The following PTPN12 variants were observed in gnomAD, a reference collection of about 807,000 sequenced individuals.
PTPN12 encodes tyrosine-protein phosphatase non-receptor type 12.
A neutral mutation model predicts 97.6 loss-of-function variants in PTPN12; 29 were observed. That is an observed-to-expected ratio of 0.30 (90% CI 0.22 to 0.41). The LOEUF (loss-of-function observed/expected upper bound fraction) is 0.41, where lower values mean the gene tolerates loss of function less well. PTPN12 is among the 10% of genes least tolerant of loss of function. The probability of loss-of-function intolerance (pLI) is 1.00; values close to 1 mark genes in which losing one functional copy is unlikely to be tolerated. For missense variants in PTPN12, 819 were observed against 926.0 expected (o/e 0.88, Z 1.50); for synonymous variants, 327 against 300.4 (o/e 1.09, Z -0.91).
intron 11 of PTPN12, 112 bp from the exon 12 acceptor site, chr7:77,618,368 G>A: frequency 1.5e-6 from 1 of 666,708 alleles, no homozygotes; most frequent in Non-Finnish European, 2.4e-6. Flanking sequence ...TTTTAACTTG[G>A]CAAAATTGGC....
chr7:77,637,944 A>ATTTTTTTTTTTTTTTTTTTTT lies in PTPN12; in HGVS notation c.2174-680_2174-679insTTTTTTTTTTTTTTTTTTTTT, dbSNP rs1421411134. On this transcript the variant is annotated intron_variant, in intron 16 of 17. Coordinates refer to ENST00000248594, the MANE Select transcript of PTPN12 (RefSeq NM_002835.4). ...AACCCTGACCTTGTTGATTTCTTAA[A>ATTTTTTTTTTTTTTTTTTTTT]ATTTTTTTTTTTTTTTTTTTTTTTT... Among the ~76,000 whole-genome samples, 3 of 89,500 alleles carry ATTTTTTTTTTTTTTTTTTTTT rather than the reference A, an allele frequency of 3.4e-5. 1 individual carries two copies. The highest frequency in any genetic ancestry group is 1.5e-4 in the African/African-American group (3 of 20,578). The allele number at this position is 89,500 out of a possible 152,430, so 58.7% of individuals were successfully genotyped here.
chr7:77,566,542 C>T (rs1277203807), intron 1 of PTPN12, among the ~76,000 whole-genome samples: 7 of 152,076 alleles, frequency 4.6e-5, no homozygotes, highest in African/African-American at 1.4e-4. Flanking sequence ...GACAACGTGG[C>T]GAAACCCCAT....
At chr7:77,604,807 ATT>A in intron 8 of PTPN12, 5 of 368,564 alleles carry the variant, frequency 1.4e-5, no homozygotes, top group Admixed American at 3.0e-5. Flanking sequence ...ATATATATAT[ATT>A]TTTATCCACC....
Position 77,553,888 on chromosome 7 carries a change from G to A in PTPN12, c.99+16243G>A, listed in dbSNP as rs1472718852. Among the ~76,000 whole-genome samples, 5 of 141,378 alleles carry A rather than the reference G, an allele frequency of 3.5e-5. No individual in the cohort carries two copies. In the East Asian group the frequency reaches 1.0e-3, roughly 29 times the overall value. 92.7% of individuals were successfully genotyped at this position (141,378 alleles called of 152,430 possible). A position where few individuals can be genotyped will look rare whatever the true frequency, so the allele number is the denominator to read the frequency against. ...GTCTTCCACTGTTTTTCTGCCTTTT[G>A]CAGTTTTAATTCAAAATATCATATG... On this transcript the variant is annotated intron_variant, in intron 1 of 17. Transcript: ENST00000248594.
chr7:77,638,894 A>G lies in PTPN12; in HGVS notation c.2281+163A>G, dbSNP rs1789702376. On this transcript the variant is annotated intron_variant, in intron 17 of 17. Transcript: ENST00000248594. The stretch of plus-strand genomic sequence containing the variant: ...AATGAAATACTTAATTCTATTTCAC[A>G]TTGAGATTAAAAACTAAAATAGAAA... 3.3e-6 allele frequency: 4 copies of G among 1,207,964 alleles called. No homozygotes were observed. The East Asian group carries it at 1.2e-4, about 35-fold the overall frequency. The allele number at this position is 1,207,964 out of a possible 1,614,324, so 74.8% of individuals were successfully genotyped here.
Position 77,537,493 on chromosome 7 carries a change from C to G in PTPN12, c.-54C>G. 2 of 662,068 alleles carry G rather than the reference C, an allele frequency of 3.0e-6. No individual in the cohort carries two copies. The highest frequency in any genetic ancestry group is 4.0e-6 in the Non-Finnish European group (2 of 494,802). The allele number at this position is 662,068 out of a possible 1,614,324, so 41.0% of individuals were successfully genotyped here. A position where few individuals can be genotyped will look rare whatever the true frequency, so the allele number is the denominator to read the frequency against. ...GGGGAAGACGGAGCGGGCTCTGTGC[C>G]GGGCGGGCGGGCGGCGGGGGGGCCA... On this transcript the variant is annotated 5_prime_UTR_variant, in exon 1 of 18. Coordinates refer to ENST00000248594, the MANE Select transcript of PTPN12 (RefSeq NM_002835.4).
At chr7:77,568,536 T>C (rs1026728016) in intron 1 of PTPN12, among the ~76,000 whole-genome samples, 1 of 152,154 alleles carries the variant, frequency 6.6e-6, no homozygotes, top group African/African-American at 2.4e-5. Context: ...CCAGCCACTT[T>C]GGAGGCTGAG....
chr7:77,564,522 G>C (rs1808142367), intron 1 of PTPN12, among the ~76,000 whole-genome samples: 1 of 151,978 alleles, frequency 6.6e-6, no homozygotes, highest in African/African-American at 2.4e-5. Flanking sequence ...TCCAGTAATT[G>C]CCTCAGAAAT....
At chr7:77,595,274 T>C (rs1323563309) in intron 6 of PTPN12, among the ~76,000 whole-genome samples, 1 of 152,234 alleles carries the variant, frequency 6.6e-6, no homozygotes, top group Non-Finnish European at 1.5e-5. Flanking sequence ...TATCATTGAC[T>C]TAACTGCAAA....
intron 1 of PTPN12, among the ~76,000 whole-genome samples, chr7:77,537,855 C>A (rs1206456431): frequency 1.3e-5 from 2 of 152,006 alleles, no homozygotes; most frequent in East Asian, 2.0e-4. Flanking sequence ...ATGTTCGCGA[C>A]CCCCGCGCGG....
In PTPN12 at chr7:77,583,992, TCTC is replaced by T. The variant is rs545307533; in HGVS notation, c.381+343_381+345del. On this transcript the variant is annotated intron_variant, in intron 4 of 17. Transcript: ENST00000248594. Reference sequence around the variant, plus strand: ...CAGTTATACTCATTTGAGTCCCTCTTCTCAGGAAAATATATATAAACACATAAC... The same window carrying T: ...CAGTTATACTCATTTGAGTCCCTCTTAGGAAAATATATATAAACACATAAC... 1.7e-3 allele frequency among the ~76,000 whole-genome samples: 264 copies of T among 152,322 alleles called. 2 individuals are homozygous for T. The highest frequency in any genetic ancestry group is 5.6e-3 in the African/African-American group (233 of 41,570).
At chr7:77,625,795 C>T (rs897306816) in intron 12 of PTPN12, among the ~76,000 whole-genome samples, 1 of 151,652 alleles carries the variant, frequency 6.6e-6, no homozygotes, top group Non-Finnish European at 1.5e-5. Context: ...GTCTCAAACT[C>T]CTGAGCTCAA....
chr7:77,625,069 AG>A (rs900806641), intron 12 of PTPN12, among the ~76,000 whole-genome samples: 2 of 152,080 alleles, frequency 1.3e-5, no homozygotes, highest in Non-Finnish European at 2.9e-5. Context: ...CAGGAGGTAG[AG>A]GTTCCAATGA....
At chr7:77,580,452 G>A (rs1447824542) in intron 2 of PTPN12, among the ~76,000 whole-genome samples, 6 of 152,276 alleles carry the variant, frequency 3.9e-5, no homozygotes, top group East Asian at 1.9e-4. Context: ...TTGCATTTGT[G>A]TAGTAGTTTT....
chr7:77,567,730 A>T (rs1029128609), intron 1 of PTPN12, among the ~76,000 whole-genome samples: 2 of 152,196 alleles, frequency 1.3e-5, no homozygotes, highest in African/African-American at 2.4e-5. Context: ...ACTCTTTCTG[A>T]TCTTTGATCT....
At chr7:77,633,529 A>G (rs1789478087) in intron 14 of PTPN12, among the ~76,000 whole-genome samples, 1 of 151,772 alleles carries the variant, frequency 6.6e-6, no homozygotes, top group Non-Finnish European at 1.5e-5. Flanking sequence ...GAATCGCTTG[A>G]ACCCCGGAGG....
At chr7:77,591,158 C>G (rs902803077) in intron 5 of PTPN12, among the ~76,000 whole-genome samples, 3 of 152,194 alleles carry the variant, frequency 2.0e-5, no homozygotes, top group Non-Finnish European at 4.4e-5. Context: ...CCAGACAGTT[C>G]TACTTTGTTT....
At chr7:77,586,478 G>A (rs990307943) in intron 5 of PTPN12, among the ~76,000 whole-genome samples, 1 of 152,138 alleles carries the variant, frequency 6.6e-6, no homozygotes, top group Non-Finnish European at 1.5e-5. Flanking sequence ...CAGCACTTTG[G>A]GAGGTGGAGG....
chr7:77,610,521 T>C (rs1202739578), intron 9 of PTPN12, among the ~76,000 whole-genome samples: 1 of 152,198 alleles, frequency 6.6e-6, no homozygotes, highest in Non-Finnish European at 1.5e-5. Flanking sequence ...ATAGCCTCTT[T>C]ATTCCCTGTA....
Sources: allele counts gnomAD v4.1 joint callset (sites outside exome capture counted in the v4.1 genomes callset), GRCh38; gene constraint gnomAD v4.1.1; transcripts MANE v1.5; gene names NCBI Gene and HGNC (gene_info 2026-07-23, HGNC 2026-07-21).